Variants in CDH8 observed in about 807,000 individuals in gnomAD.
CDH8 encodes the protein cadherin-8.
A neutral mutation model predicts 68.1 loss-of-function variants in CDH8; 17 were observed. The ratio of observed to expected loss-of-function variants is 0.25; its 90% CI spans 0.17 to 0.37. CDH8 has a LOEUF of 0.37. Ranked by LOEUF, CDH8 falls within the 10% of genes least tolerant of loss-of-function variation. The pLI is 1.00. For missense variants in CDH8, 763 were observed against 999.3 expected (o/e 0.76, Z 3.19); for synonymous variants, 372 against 365.1 (o/e 1.02, Z -0.21).
intron 2 of CDH8, among the ~76,000 whole-genome samples, chr16:61,973,120 C>T (rs1194315132): frequency 2.0e-5 from 3 of 152,078 alleles, no homozygotes; most frequent in South Asian, 2.1e-4. Context: ...TTTCACCCAC[C>T]GAGTGTAACT....
At chr16:61,785,238 A>G (rs1486649349) in intron 8 of CDH8, among the ~76,000 whole-genome samples, 1 of 96,538 alleles carries the variant, frequency 1.0e-5, no homozygotes, top group Non-Finnish European at 2.0e-5. Context: ...AGACACAATA[A>G]AAAATGATAA....
At chr16:61,662,343 T>C (rs1963583693) in intron 10 of CDH8, among the ~76,000 whole-genome samples, 1 of 151,834 alleles carries the variant, frequency 6.6e-6, no homozygotes, top group Non-Finnish European at 1.5e-5. Flanking sequence ...ATTGCATTTG[T>C]TTTATCTTTT....
intron 2 of CDH8, among the ~76,000 whole-genome samples, chr16:61,979,598 C>T (rs1442762324): frequency 6.6e-6 from 1 of 151,390 alleles, no homozygotes; most frequent in East Asian, 1.9e-4. Flanking sequence ...TGTGCCAACT[C>T]AAACACAGAA....
chr16:61,685,677 G>T (rs1353013480), intron 10 of CDH8, among the ~76,000 whole-genome samples: 2 of 151,862 alleles, frequency 1.3e-5, no homozygotes, highest in Admixed American at 1.3e-4. Flanking sequence ...CATAGACCAG[G>T]CACAGCATAG....
intron 10 of CDH8, chr16:61,692,239 A>G (rs1964239955): frequency 6.6e-6 from 1 of 152,104 alleles, no homozygotes; most frequent in South Asian, 2.1e-4. Context: ...TTTTGTAAAG[A>G]TTCTCCCATC....
At chr16:61,678,762 G>C (rs1963961579) in intron 10 of CDH8, among the ~76,000 whole-genome samples, 2 of 151,974 alleles carry the variant, frequency 1.3e-5, no homozygotes, top group Admixed American at 6.6e-5. Flanking sequence ...TCTCTTACTG[G>C]TAAAATAATT....
chr16:61,770,432 T>C (rs1960748198), intron 8 of CDH8, among the ~76,000 whole-genome samples: 1 of 151,906 alleles, frequency 6.6e-6, no homozygotes, highest in Non-Finnish European at 1.5e-5. Flanking sequence ...CAACCAAAGT[T>C]AGGCCTTGGG....
chr16:61,751,933 C>G (rs945255853), intron 8 of CDH8, among the ~76,000 whole-genome samples: 2 of 151,914 alleles, frequency 1.3e-5, no homozygotes, highest in African/African-American at 4.8e-5. Context: ...ACCTATTCTC[C>G]CTTCATTCAT....
At chr16:61,936,443 G>T (rs1329655174) in intron 2 of CDH8, among the ~76,000 whole-genome samples, 4 of 152,126 alleles carry the variant, frequency 2.6e-5, no homozygotes, top group Middle Eastern at 3.2e-3. Context: ...AGTAGATAAG[G>T]ATTGCCAAAA....
chr16:61,814,156 C>T (rs1374197294), intron 7 of CDH8, among the ~76,000 whole-genome samples: 3 of 152,302 alleles, frequency 2.0e-5, no homozygotes, highest in Non-Finnish European at 1.5e-5. Context: ...TTATCCCATA[C>T]GGAGGAGAAA....
At chr16:61,932,204 T>A (rs1964553764) in intron 2 of CDH8, among the ~76,000 whole-genome samples, 1 of 108,530 alleles carries the variant, frequency 9.2e-6, no homozygotes. Context: ...CAAAACTCCG[T>A]CTCAAAAAAA....
At chr16:61,740,423 G>A (rs1351115917) in intron 8 of CDH8, among the ~76,000 whole-genome samples, 7 of 151,902 alleles carry the variant, frequency 4.6e-5, no homozygotes, top group African/African-American at 1.2e-4. Context: ...TAAGCCATGA[G>A]AATGAAAAGC....
intron 4 of CDH8, among the ~76,000 whole-genome samples, chr16:61,832,371 G>C (rs372722761): frequency 0.036 from 5,302 of 149,326 alleles, 129 homozygotes; most frequent in Middle Eastern, 0.082. Flanking sequence ...TAGATAGATA[G>C]ATAGATAGAT....
chr16:61,664,226 A>G (rs1963624205), intron 10 of CDH8, among the ~76,000 whole-genome samples: 1 of 152,002 alleles, frequency 6.6e-6, no homozygotes, highest in African/African-American at 2.4e-5. Flanking sequence ...TTTCTTTCAT[A>G]AATTGTCCCC....
At chr16:61,945,447 A>AAT (rs1345421193) in intron 2 of CDH8, among the ~76,000 whole-genome samples, 1 of 151,698 alleles carries the variant, frequency 6.6e-6, no homozygotes, top group Non-Finnish European at 1.5e-5. Flanking sequence ...TAAAAAAAAA[A>AAT]AAAAAAAAAA....
intron 8 of CDH8, among the ~76,000 whole-genome samples, chr16:61,786,339 A>G (rs1961226050): frequency 3.8e-5 from 2 of 52,030 alleles, no homozygotes; most frequent in African/African-American, 1.8e-4. Context: ...CCCATTCACA[A>G]TTGCTTCAAA....
chr16:61,679,022 T>C (rs773976457), intron 10 of CDH8, among the ~76,000 whole-genome samples: 1 of 152,108 alleles, frequency 6.6e-6, no homozygotes, highest in Non-Finnish European at 1.5e-5. Context: ...AGGAAACAGT[T>C]GGACTGTACC....
intron 1 of CDH8, among the ~76,000 whole-genome samples, chr16:62,030,996 A>G (rs1046090489): frequency 6.6e-6 from 1 of 152,182 alleles, no homozygotes; most frequent in African/African-American, 2.4e-5. Context: ...GAGGGCAGGA[A>G]GGAGAGAGGA....
intron 8 of CDH8, among the ~76,000 whole-genome samples, chr16:61,774,091 T>C (rs1228131114): frequency 6.6e-6 from 1 of 152,066 alleles, no homozygotes; most frequent in Non-Finnish European, 1.5e-5. Context: ...GAAAACATGC[T>C]GCATTTTCAT....
Sources: allele counts gnomAD v4.1 joint callset (sites outside exome capture counted in the v4.1 genomes callset), GRCh38; gene constraint gnomAD v4.1.1; transcripts MANE v1.5; gene names NCBI Gene and HGNC (gene_info 2026-07-23, HGNC 2026-07-21).